MAML3: variants seen among roughly 807,000 people sequenced by gnomAD.
The protein encoded by MAML3 is mastermind like transcriptional coactivator 3.
MAML3 carries 27 observed loss-of-function variants against 101.9 expected under a neutral mutation model. That is an observed-to-expected ratio of 0.27 (90% CI 0.20 to 0.37). The LOEUF (loss-of-function observed/expected upper bound fraction) is 0.37, where lower values mean the gene tolerates loss of function less well. Ranked by LOEUF, MAML3 falls within the 10% of genes least tolerant of loss-of-function variation. The probability of loss-of-function intolerance (pLI) is 1.00; values close to 1 mark genes in which losing one functional copy is unlikely to be tolerated. For synonymous variants in MAML3, 501 were observed against 555.9 expected, an observed-to-expected ratio of 0.90 and a Z score of 1.39; for missense variants, 1,316 against 1,444.9, an observed-to-expected ratio of 0.91 and a Z score of 1.45.
At chr4:139,725,929 C>G in intron 3 of MAML3, 94 bp from the exon 4 acceptor site, 1 of 1,011,232 alleles carries the variant, frequency 9.9e-7, no homozygotes, top group Non-Finnish European at 1.5e-6. Flanking sequence ...GTAGTGTTTT[C>G]CCCAAAACTA....
rs576983636 is a variant in MAML3, at chr4:139,904,056, A to G, written c.469-13089T>C. Among the ~76,000 whole-genome samples the G allele has an allele frequency of 5.9e-5, 9 of 152,298 alleles. No homozygotes were observed. The East Asian group carries it at 1.5e-3, about 26-fold the overall frequency. On this transcript the variant is annotated intron_variant, in intron 1 of 4. Coordinates refer to ENST00000509479, the MANE Select transcript of MAML3 (RefSeq NM_018717.5). Reference sequence around the variant, plus strand: ...GTCATCATGACTTCATCACTTCCCTAAAGGCCCCATCCTCTTACTACCACA... The same window carrying G: ...GTCATCATGACTTCATCACTTCCCTGAAGGCCCCATCCTCTTACTACCACA...
intron 2 of MAML3, among the ~76,000 whole-genome samples, chr4:139,738,617 A>T (rs1729041534): frequency 6.6e-6 from 1 of 152,226 alleles, no homozygotes; most frequent in Non-Finnish European, 1.5e-5. Context: ...GCAATTACTT[A>T]AAAAATATAC....
intron 1 of MAML3, among the ~76,000 whole-genome samples, chr4:140,099,941 C>T (rs1728228246): frequency 6.6e-6 from 1 of 152,154 alleles, no homozygotes; most frequent in Non-Finnish European, 1.5e-5. Flanking sequence ...GTCACAAATC[C>T]TCCTATGGTG....
At chr4:139,751,836 A>G (rs995883873) in intron 2 of MAML3, among the ~76,000 whole-genome samples, 1 of 152,226 alleles carries the variant, frequency 6.6e-6, no homozygotes, top group Non-Finnish European at 1.5e-5. Flanking sequence ...TCTAATCCGC[A>G]AAGTATCCAT....
intron 1 of MAML3, among the ~76,000 whole-genome samples, chr4:140,049,758 A>G (rs1727238342): frequency 6.6e-6 from 1 of 152,138 alleles, no homozygotes; most frequent in South Asian, 2.1e-4. Flanking sequence ...AATAAGAGAT[A>G]AGATGCATCT....
intron 2 of MAML3, among the ~76,000 whole-genome samples, chr4:139,751,399 G>A (rs773445784): frequency 2.0e-5 from 3 of 152,140 alleles, no homozygotes; most frequent in Non-Finnish European, 4.4e-5. Context: ...ATTCATGTAT[G>A]TTTCATAATA....
chr4:139,974,162 G>A (rs1046438285), intron 1 of MAML3, among the ~76,000 whole-genome samples: 2 of 148,644 alleles, frequency 1.3e-5, no homozygotes, highest in African/African-American at 5.0e-5. Flanking sequence ...CTGGAGTGCA[G>A]TGGCGCTATC....
At chr4:139,859,524 A>C (rs935879854) in intron 2 of MAML3, among the ~76,000 whole-genome samples, 2 of 152,114 alleles carry the variant, frequency 1.3e-5, no homozygotes, top group African/African-American at 4.8e-5. Flanking sequence ...ACTATATTTT[A>C]TGTAGAATAC....
chr4:140,129,402 T>C (rs56237753), intron 1 of MAML3, among the ~76,000 whole-genome samples: 21,432 of 152,216 alleles, frequency 0.14, 1,959 homozygotes, highest in African/African-American at 0.26. Flanking sequence ...CCAATTCTTA[T>C]GCATACCTTC....
chr4:139,873,121 A>C (rs963285701), intron 2 of MAML3, among the ~76,000 whole-genome samples: 6 of 152,180 alleles, frequency 3.9e-5, no homozygotes, highest in Non-Finnish European at 7.3e-5. Flanking sequence ...ATAATCACGC[A>C]GATATTTTGT....
chr4:139,876,009 G>A (rs1443188254), intron 2 of MAML3, among the ~76,000 whole-genome samples: 5 of 147,434 alleles, frequency 3.4e-5, no homozygotes, highest in Admixed American at 6.8e-5. Flanking sequence ...TTTCTAACTC[G>A]CGCTGTTCAA....
chr4:140,107,162 C>T (rs779901970), intron 1 of MAML3, among the ~76,000 whole-genome samples: 6 of 151,952 alleles, frequency 3.9e-5, no homozygotes, highest in South Asian at 4.2e-4. Flanking sequence ...TGAGCCACTG[C>T]GCCCAGCCAA....
chr4:140,123,650 C>T (rs1017927264), intron 1 of MAML3, among the ~76,000 whole-genome samples: 12 of 152,146 alleles, frequency 7.9e-5, no homozygotes, highest in African/African-American at 2.9e-4. Flanking sequence ...ATCTGAAGTC[C>T]ATTATTGTTC....
In MAML3 at chr4:140,070,610, C is replaced by T. The variant is rs114518808; in HGVS notation, c.468+82250G>A. On this transcript the variant is annotated intron_variant, in intron 1 of 4. Coordinates refer to ENST00000509479, the MANE Select transcript of MAML3 (RefSeq NM_018717.5). Reference sequence around the variant, plus strand: ...ATGAAACTGAATTTGTTCAGCAAAGCCCAAGTCAGAATCATAAAAACTCCT... The same window carrying T: ...ATGAAACTGAATTTGTTCAGCAAAGTCCAAGTCAGAATCATAAAAACTCCT... Among the ~76,000 whole-genome samples, 692 of 152,232 alleles carry T rather than the reference C, an allele frequency of 4.5e-3. 3 individuals carry two copies. The highest frequency in any genetic ancestry group is 0.016 in the African/African-American group (646 of 41,538).
chr4:139,743,753 C>G (rs913851185), intron 2 of MAML3, among the ~76,000 whole-genome samples: 3 of 152,092 alleles, frequency 2.0e-5, no homozygotes, highest in African/African-American at 7.2e-5. Flanking sequence ...TATAGAAAGC[C>G]TTGAGAACAC....
chr4:140,020,540 A>C (rs1242006368), intron 1 of MAML3, among the ~76,000 whole-genome samples: 1 of 152,198 alleles, frequency 6.6e-6, no homozygotes, highest in Non-Finnish European at 1.5e-5. Context: ...AAGTGTATAA[A>C]TATATTACAG....
intron 2 of MAML3, among the ~76,000 whole-genome samples, chr4:139,755,060 C>G (rs866306295): frequency 2.0e-5 from 3 of 152,334 alleles, no homozygotes; most frequent in Middle Eastern, 3.4e-3. Context: ...GATTCTTCAG[C>G]TGTCTGCTCA....
At chr4:139,736,158 TAAAA>T (rs920921767) in intron 2 of MAML3, among the ~76,000 whole-genome samples, 1 of 151,870 alleles carries the variant, frequency 6.6e-6, no homozygotes, top group Non-Finnish European at 1.5e-5. Flanking sequence ...TTGGGTCAAG[TAAAA>T]AAAAATTTTT....
intron 1 of MAML3, among the ~76,000 whole-genome samples, chr4:140,070,745 A>T (rs1278105606): frequency 6.6e-6 from 1 of 152,252 alleles, no homozygotes; most frequent in East Asian, 1.9e-4. Context: ...CTCCTACCTA[A>T]GGCAACTTCT....
Sources: allele counts gnomAD v4.1 joint callset (sites outside exome capture counted in the v4.1 genomes callset), GRCh38; gene constraint gnomAD v4.1.1; transcripts MANE v1.5; gene names NCBI Gene and HGNC (gene_info 2026-07-23, HGNC 2026-07-21).